Variants in NYAP2 observed in about 807,000 individuals in gnomAD.
The protein encoded by NYAP2 is neuronal tyrosine-phosphorylated phosphoinositide-3-kinase adapter 2.
In NYAP2, 23 loss-of-function variants were observed where a neutral mutation model predicts 50.4. The observed-to-expected ratio is 0.46, with a 90% CI of 0.33 to 0.65. NYAP2 has a LOEUF of 0.65. Among genes scored for constraint, NYAP2 ranks in the 30% least tolerant of loss-of-function variants. The pLI, the probability that NYAP2 is intolerant of heterozygous loss-of-function variation, is 0.02. For missense variants in NYAP2, 885 were observed against 861.0 expected (o/e 1.03, Z -0.35); for synonymous variants, 394 against 365.2 (o/e 1.08, Z -0.90).
At chr2:225,617,434 T>TA (rs1693008263) in intron 5 of NYAP2, among the ~76,000 whole-genome samples, 1 of 149,064 alleles carries the variant, frequency 6.7e-6, no homozygotes, top group South Asian at 2.1e-4. Context: ...TATCAAAAAA[T>TA]AAAAAAATAA....
the NYAP2 span, among the ~76,000 whole-genome samples, chr2:225,689,015 T>A: frequency 6.6e-6 from 1 of 152,218 alleles, no homozygotes; most frequent in Admixed American, 6.5e-5. Flanking sequence ...GTGCTGGGAT[T>A]ACAGGTGTGA....
chr2:225,512,348 C>A (rs541997524), intron 3 of NYAP2, among the ~76,000 whole-genome samples: 128 of 152,268 alleles, frequency 8.4e-4, no homozygotes, highest in African/African-American at 3.1e-3. Flanking sequence ...CTCAATGTTG[C>A]TGTTTTATTT....
At chr2:225,655,888 ACACACACACAC>A (rs1693813717), downstream of NYAP2, among the ~76,000 whole-genome samples, 1 of 74,110 alleles carries the variant, frequency 1.3e-5, no homozygotes, top group African/African-American at 6.8e-5. Context: ...CCTCCACTAC[ACACACACACAC>A]ACACACACAC....
At chr2:225,504,624 T>G (rs1164166587) in intron 3 of NYAP2, among the ~76,000 whole-genome samples, 1 of 152,194 alleles carries the variant, frequency 6.6e-6, no homozygotes, top group African/African-American at 2.4e-5. Context: ...GTAAATAAGT[T>G]GGTTAGTTAC....
chr2:225,412,281 TAA>T lies in NYAP2; in HGVS notation c.221+3181_221+3182del, dbSNP rs1695057167. 6.5e-5 allele frequency among the ~76,000 whole-genome samples: 9 copies of T among 137,430 alleles called. 1 individual carries two copies. The highest frequency in any genetic ancestry group is 6.2e-5 in the Non-Finnish European group (4 of 64,612). 90.2% of individuals were successfully genotyped at this position (137,430 alleles called of 152,430 possible). A position where few individuals can be genotyped will look rare whatever the true frequency, so the allele number is the denominator to read the frequency against. ...TTTTTTTTTTTTTTTTTTTTTTTTT[TAA>T]CAAAAATTTTGTTCCTGTAAGAAGG... On this transcript the variant is annotated intron_variant, in intron 3 of 6. Coordinates refer to ENST00000636099, the Ensembl canonical transcript of NYAP2.
At chr2:225,634,083 G>C (rs560285598) in intron 6 of NYAP2, among the ~76,000 whole-genome samples, 34 of 152,278 alleles carry the variant, frequency 2.2e-4, no homozygotes, top group Admixed American at 2.6e-4. Flanking sequence ...ACTGGTAAGA[G>C]AGAGACATGC....
the NYAP2 span, among the ~76,000 whole-genome samples, chr2:225,696,372 A>G: frequency 6.6e-6 from 1 of 151,976 alleles, no homozygotes; most frequent in East Asian, 1.9e-4. Context: ...GGTATTCATC[A>G]GTGTTAGAAT....
intron 4 of NYAP2, among the ~76,000 whole-genome samples, chr2:225,579,769 G>A (rs1471287651): frequency 6.6e-6 from 1 of 152,170 alleles, no homozygotes; most frequent in Admixed American, 6.5e-5. Context: ...CTGCTACCTA[G>A]GCATAGGCTC....
rs910426667 is a variant in NYAP2 at position 225,522,357 on chromosome 2, A to G, written c.523+8685A>G. 4.6e-5 allele frequency among the ~76,000 whole-genome samples: 7 copies of G among 152,222 alleles called. 1 individual carries two copies. Among genetic ancestry groups the G allele is most frequent in the East Asian group, 1.9e-4 (1 of 5,192 alleles). On this transcript the variant is annotated intron_variant, in intron 4 of 6. Coordinates refer to ENST00000636099, the Ensembl canonical transcript of NYAP2. The stretch of plus-strand genomic sequence containing the variant: ...ATCAAGAAATACTTTTGATTGGGAT[A>G]GTTCTCCTGATTTCTGATTTTGTTT...
At chr2:225,530,281 G>A (rs1340376886) in intron 4 of NYAP2, among the ~76,000 whole-genome samples, 1 of 152,040 alleles carries the variant, frequency 6.6e-6, no homozygotes, top group Non-Finnish European at 1.5e-5. Context: ...TCAGGCCACC[G>A]TCCTGCATCC....
chr2:225,446,246 C>CTCTCTCTCTCTATA (rs1239402824), intron 3 of NYAP2, among the ~76,000 whole-genome samples: 6 of 82,270 alleles, frequency 7.3e-5, no homozygotes, highest in Admixed American at 1.5e-4. Flanking sequence ...CTCTCTCTCT[C>CTCTCTCTCTCTATA]TATATATATA....
At chr2:225,564,686 A>T (rs1255005062) in intron 4 of NYAP2, among the ~76,000 whole-genome samples, 1 of 109,406 alleles carries the variant, frequency 9.1e-6, no homozygotes, top group Non-Finnish European at 1.8e-5. Flanking sequence ...GCATAAATAT[A>T]AAAAAAAAAA....
At chr2:225,647,498 T>C (rs11899703) in intron 6 of NYAP2, among the ~76,000 whole-genome samples, 144,218 of 152,200 alleles carry the variant, frequency 0.95, 68,416 homozygotes, top group Middle Eastern at 0.98. Flanking sequence ...TGCCGTGCCT[T>C]CTCTGTAGGA....
At chr2:225,529,049 T>C (rs1413108206) in intron 4 of NYAP2, among the ~76,000 whole-genome samples, 1 of 152,260 alleles carries the variant, frequency 6.6e-6, no homozygotes, top group African/African-American at 2.4e-5. Context: ...GATCTCTTCT[T>C]TGCATTTATA....
At chr2:225,514,149 C>T (rs1690883855) in intron 4 of NYAP2, among the ~76,000 whole-genome samples, 1 of 152,190 alleles carries the variant, frequency 6.6e-6, no homozygotes. Context: ...CTTAAACTCT[C>T]CTTAATATCT....
chr2:225,623,770 G>A (rs1435584535), intron 5 of NYAP2, among the ~76,000 whole-genome samples: 1 of 152,154 alleles, frequency 6.6e-6, no homozygotes, highest in African/African-American at 2.4e-5. Context: ...ACCTGTAGAA[G>A]CTCATAATAA....
chr2:225,536,936 GC>G lies in NYAP2; in HGVS notation c.523+23267del, dbSNP rs376601399. On this transcript the variant is annotated intron_variant, in intron 4 of 6. Transcript: ENST00000636099. The stretch of plus-strand genomic sequence containing the variant: ...TGGGACTACAAGTGCCCGCCACCAC[GC>G]CCGGCTTTTTTATATTTTTTTTAGT... Among the ~76,000 whole-genome samples the G allele has an allele frequency of 2.6e-4, 39 of 151,794 alleles. No homozygotes were observed. The East Asian group carries it at 6.6e-3, about 26-fold the overall frequency.
intron 6 of NYAP2, among the ~76,000 whole-genome samples, chr2:225,645,661 T>C (rs149230679): frequency 2.0e-5 from 3 of 152,324 alleles, no homozygotes; most frequent in East Asian, 1.9e-4. Flanking sequence ...AAGTGCCTTC[T>C]AGTTAATAAT....
intron 5 of NYAP2, among the ~76,000 whole-genome samples, chr2:225,623,706 G>A (rs1421438910): frequency 6.6e-6 from 1 of 152,164 alleles, no homozygotes; most frequent in Admixed American, 6.5e-5. Context: ...ACTAAAAATT[G>A]TTGGGTGGGG....
Sources: allele counts gnomAD v4.1 joint callset (sites outside exome capture counted in the v4.1 genomes callset), GRCh38; gene constraint gnomAD v4.1.1; transcripts MANE v1.5; gene names NCBI Gene and HGNC (gene_info 2026-07-23, HGNC 2026-07-21).